Variants in LIN52 observed in about 807,000 individuals in gnomAD.
The protein encoded by LIN52 is lin-52 DREAM MuvB core complex component.
LIN52 carries 4 observed loss-of-function variants against 18.5 expected under a neutral mutation model. The ratio of observed to expected loss-of-function variants is 0.22; its 90% CI spans 0.11 to 0.49. The LOEUF (loss-of-function observed/expected upper bound fraction) is 0.49. LIN52 is among the 20% of genes least tolerant of loss of function. The pLI is 0.97. For missense variants in LIN52, 102 were observed against 139.5 expected (o/e 0.73, Z 1.35); for synonymous variants, 34 against 45.5 (o/e 0.75, Z 1.02).
chr14:74,097,547 C>G (rs2060822534), intron 3 of LIN52, among the ~76,000 whole-genome samples: 1 of 151,640 alleles, frequency 6.6e-6, no homozygotes, highest in Non-Finnish European at 1.5e-5. Flanking sequence ...ATTCTCGTGC[C>G]TCACCCTCCC....
chr14:74,183,872 AT>A (rs1357249338), intron 5 of LIN52, among the ~76,000 whole-genome samples: 10 of 152,232 alleles, frequency 6.6e-5, no homozygotes, highest in African/African-American at 2.4e-4. Context: ...ACAGAATAAA[AT>A]AATAATTATT....
At position 74,137,498 on chromosome 14, in the gene LIN52, C is replaced by CTTTTTTTTTTTTTTTTTTT. The variant is rs71460959; in HGVS notation, c.283+36278_283+36279insTTTTTTTTTTTTTTTTTTT. Reference sequence around the variant, plus strand: ...GCACTAAATTCTTCACAGCAGCTCTCTTTTTTTTTTTTTTTTTTGAGATGG... The same window carrying CTTTTTTTTTTTTTTTTTTT: ...GCACTAAATTCTTCACAGCAGCTCTCTTTTTTTTTTTTTTTTTTTTTTTTTTTTTTTTTTTTTGAGATGG... On this transcript the variant is annotated intron_variant, in intron 5 of 5. Transcript: ENST00000555028. Among the ~76,000 whole-genome samples, 28 of 111,602 alleles carry CTTTTTTTTTTTTTTTTTTT rather than the reference C, an allele frequency of 2.5e-4. 2 individuals carry two copies. The highest frequency in any genetic ancestry group is 7.8e-4 in the East Asian group (2 of 2,558). 73.2% of individuals were successfully genotyped at this position (111,602 alleles called of 152,430 possible).
At position 74,173,341 on chromosome 14, in the gene LIN52, C is replaced by G. The variant is rs1779129361; in HGVS notation, c.284-25581C>G. Among the ~76,000 whole-genome samples, 3 of 152,136 alleles carry G rather than the reference C, an allele frequency of 2.0e-5. No individual in the cohort carries two copies. The South Asian group carries it at 6.2e-4, about 32-fold the overall frequency. ...TAGCTGGGATTACAGGCTTGCACCA[C>G]CACGCCTGGCTAATTTTGTATTTTT... On this transcript the variant is annotated intron_variant, in intron 5 of 5. Transcript: ENST00000555028.
At chr14:74,093,021 G>A (rs190823552) in intron 2 of LIN52, among the ~76,000 whole-genome samples, 2 of 151,784 alleles carry the variant, frequency 1.3e-5, no homozygotes, top group Non-Finnish European at 2.9e-5. Context: ...GTGCAATCTC[G>A]GCTCACTGCA....
intron 5 of LIN52, among the ~76,000 whole-genome samples, chr14:74,151,108 G>A (rs1332022056): frequency 6.6e-6 from 1 of 152,070 alleles, no homozygotes; most frequent in Non-Finnish European, 1.5e-5. Flanking sequence ...GAGAAAGGGT[G>A]GTGATGAATG....
chr14:74,170,622 G>A (rs1055810369), intron 5 of LIN52, among the ~76,000 whole-genome samples: 20 of 151,986 alleles, frequency 1.3e-4, no homozygotes, highest in African/African-American at 4.8e-4. Context: ...AAAAAAGGAA[G>A]AGATAGAAAA....
At chr14:74,140,099 TAG>T (rs1282305909) in intron 5 of LIN52, among the ~76,000 whole-genome samples, 1 of 152,160 alleles carries the variant, frequency 6.6e-6, no homozygotes, top group Non-Finnish European at 1.5e-5. Context: ...AACACAAAAA[TAG>T]ATTCACTTAA....
chr14:74,135,860 A>G (rs990886139), intron 5 of LIN52, among the ~76,000 whole-genome samples: 7 of 151,666 alleles, frequency 4.6e-5, no homozygotes, highest in Middle Eastern at 3.2e-3. Flanking sequence ...TTTTAATAAC[A>G]CTTTGTTGAG....
chr14:74,182,551 G>C (rs1157334418), intron 5 of LIN52, among the ~76,000 whole-genome samples: 1 of 127,444 alleles, frequency 7.8e-6, no homozygotes, highest in Non-Finnish European at 1.9e-5. Flanking sequence ...TGAAGTAAAA[G>C]AATGATCGCA....
At chr14:74,135,935 T>C (rs946926002) in intron 5 of LIN52, among the ~76,000 whole-genome samples, 1 of 152,188 alleles carries the variant, frequency 6.6e-6, no homozygotes, top group Non-Finnish European at 1.5e-5. Flanking sequence ...TTTAGCACAC[T>C]CAACAATAAA....
chr14:74,096,380 A>G (rs948565945), intron 3 of LIN52, among the ~76,000 whole-genome samples: 1 of 151,876 alleles, frequency 6.6e-6, no homozygotes, highest in Non-Finnish European at 1.5e-5. Flanking sequence ...TTTTGTGGAG[A>G]AGAGGTCTCA....
chr14:74,148,004 A>G (rs2061159821), intron 5 of LIN52, among the ~76,000 whole-genome samples: 1 of 152,212 alleles, frequency 6.6e-6, no homozygotes, highest in African/African-American at 2.4e-5. Flanking sequence ...CTTTTATGCT[A>G]TGTGAATTAT....
intron 5 of LIN52, among the ~76,000 whole-genome samples, chr14:74,147,180 T>C (rs2061155514): frequency 6.6e-6 from 1 of 152,102 alleles, no homozygotes; most frequent in African/African-American, 2.4e-5. Context: ...ATCGCTTGGA[T>C]GCCTGAGGCG....
chr14:74,155,212 T>C (rs865959577), intron 5 of LIN52, among the ~76,000 whole-genome samples: 6 of 152,256 alleles, frequency 3.9e-5, no homozygotes, highest in Admixed American at 2.6e-4. Context: ...AAAACACTCC[T>C]GCAGCTCCTG....
At position 74,185,420 on chromosome 14, in the gene LIN52, T is replaced by C. The variant is rs1457165181; in HGVS notation, c.284-13502T>C. Among the ~76,000 whole-genome samples, 5 of 138,542 alleles carry C rather than the reference T, an allele frequency of 3.6e-5. No homozygotes were observed. The East Asian group carries it at 1.2e-3, about 34-fold the overall frequency. 90.9% of individuals were successfully genotyped at this position (138,542 alleles called of 152,430 possible). On this transcript the variant is annotated intron_variant, in intron 5 of 5. Coordinates refer to ENST00000555028, the MANE Select transcript of LIN52 (RefSeq NM_001024674.3). The stretch of plus-strand genomic sequence containing the variant: ...AGCTCCACTTCCTGGGTTCACGCCA[T>C]TCTCCTGCCTCAGCCTCCCGGTTAG...
chr14:74,175,752 C>CACACACA (rs1566867516), intron 5 of LIN52, among the ~76,000 whole-genome samples: 1,519 of 116,094 alleles, frequency 0.013, 33 homozygotes, highest in East Asian at 0.084. Context: ...ACACACACAC[C>CACACACA]CCCATTATAC....
At chr14:74,174,657 A>G (rs1595185893) in intron 5 of LIN52, 1 of 151,966 alleles carries the variant, frequency 6.6e-6, no homozygotes, top group Non-Finnish European at 1.5e-5. Context: ...CACGTTGGAA[A>G]CTGAAGGTCA....
At chr14:74,196,041 C>G (rs554605100) in intron 5 of LIN52, among the ~76,000 whole-genome samples, 66 of 152,270 alleles carry the variant, frequency 4.3e-4, no homozygotes, top group Admixed American at 1.5e-3. Context: ...GTCATACATT[C>G]GTATATCTCC....
At chr14:74,168,626 C>G (rs997063742) in intron 5 of LIN52, among the ~76,000 whole-genome samples, 2 of 151,918 alleles carry the variant, frequency 1.3e-5, no homozygotes, top group African/African-American at 2.4e-5. Flanking sequence ...AGAGATTGTG[C>G]CACTGCACTC....
Sources: allele counts gnomAD v4.1 joint callset (sites outside exome capture counted in the v4.1 genomes callset), GRCh38; gene constraint gnomAD v4.1.1; transcripts MANE v1.5; gene names NCBI Gene and HGNC (gene_info 2026-07-23, HGNC 2026-07-21).